The following GRM8 variants were observed in gnomAD, a reference collection of about 807,000 sequenced individuals.
The protein encoded by GRM8 is metabotropic glutamate receptor 8.
A neutral mutation model predicts 87.2 loss-of-function variants in GRM8; 47 were observed. That is an observed-to-expected ratio of 0.54 (90% CI 0.43 to 0.69). The LOEUF (loss-of-function observed/expected upper bound fraction) is 0.69. Ranked by LOEUF, GRM8 falls within the 30% of genes least tolerant of loss-of-function variation. The pLI is 0.00. For missense variants in GRM8, 1,019 were observed against 1,139.2 expected (o/e 0.89, Z 1.52); for synonymous variants, 396 against 404.5 (o/e 0.98, Z 0.25).
At chr7:126,488,884 G>A (rs1384603452) in intron 9 of GRM8, among the ~76,000 whole-genome samples, 2 of 151,808 alleles carry the variant, frequency 1.3e-5, no homozygotes, top group African/African-American at 4.8e-5. Context: ...AAATACACAT[G>A]TGCCCCTATT....
chr7:126,503,736 T>C (rs1809993632), intron 9 of GRM8, among the ~76,000 whole-genome samples: 1 of 152,026 alleles, frequency 6.6e-6, no homozygotes, highest in South Asian at 2.1e-4. Flanking sequence ...TAGCAGTGTG[T>C]ATTAGGCCCT....
intron 8 of GRM8, among the ~76,000 whole-genome samples, chr7:126,593,148 T>C (rs1796849825): frequency 1.3e-5 from 2 of 151,944 alleles, no homozygotes; most frequent in African/African-American, 4.8e-5. Context: ...TGTTCACAGA[T>C]TGAAAAAGTT....
intron 6 of GRM8, among the ~76,000 whole-genome samples, chr7:126,845,187 T>C (rs1418770944): frequency 2.0e-5 from 3 of 152,256 alleles, no homozygotes; most frequent in African/African-American, 7.2e-5. Flanking sequence ...ATCACTTCAT[T>C]AAACTTTAAG....
intron 1 of GRM8, among the ~76,000 whole-genome samples, chr7:127,244,745 T>C (rs1010168523): frequency 1.3e-5 from 2 of 152,328 alleles, no homozygotes; most frequent in South Asian, 2.1e-4. Context: ...AAAGGAAAGA[T>C]GGTGCTTCCC....
intron 3 of GRM8, among the ~76,000 whole-genome samples, chr7:126,943,129 G>T (rs1484872626): frequency 6.6e-6 from 1 of 152,188 alleles, no homozygotes; most frequent in African/African-American, 2.4e-5. Flanking sequence ...AGATCGGCAG[G>T]TGTAAGGGAA....
At chr7:126,884,178 A>C (rs1800273764) in intron 6 of GRM8, among the ~76,000 whole-genome samples, 1 of 152,070 alleles carries the variant, frequency 6.6e-6, no homozygotes, top group East Asian at 1.9e-4. Context: ...AAAACAAAAC[A>C]AAAAACTATA....
intron 7 of GRM8, among the ~76,000 whole-genome samples, chr7:126,660,334 A>C (rs1200230203): frequency 6.6e-6 from 1 of 152,180 alleles, no homozygotes; most frequent in Non-Finnish European, 1.5e-5. Flanking sequence ...AAAGTAGTAA[A>C]CTGGATAATC....
intron 7 of GRM8, among the ~76,000 whole-genome samples, chr7:126,719,456 G>C (rs1039209108): frequency 6.6e-6 from 1 of 152,140 alleles, no homozygotes; most frequent in South Asian, 2.1e-4. Flanking sequence ...AACTGGGTAG[G>C]TCTGGTTCAG....
intron 3 of GRM8, among the ~76,000 whole-genome samples, chr7:127,071,768 TTGA>T (rs1026632015): frequency 1.3e-5 from 2 of 152,200 alleles, no homozygotes; most frequent in Non-Finnish European, 2.9e-5. Flanking sequence ...AGGTTCATAG[TTGA>T]TCTTTTCTAT....
At chr7:127,134,941 A>T (rs1000908431) in intron 2 of GRM8, among the ~76,000 whole-genome samples, 1 of 152,192 alleles carries the variant, frequency 6.6e-6, no homozygotes, top group Non-Finnish European at 1.5e-5. Flanking sequence ...AAATGTATTA[A>T]ACACATGAAT....
Position 126,591,710 on chromosome 7 carries a change from C to A in GRM8, c.1494+17652G>T, listed in dbSNP as rs182091917. ...CTAAGGTAAACAACCTAACTTTGTACCTTAAGGAACTAGAAAAATAAGAAC... is the reference window on the plus strand; with the variant it reads ...CTAAGGTAAACAACCTAACTTTGTAACTTAAGGAACTAGAAAAATAAGAAC... On this transcript the variant is annotated intron_variant, in intron 8 of 10. Transcript: ENST00000339582. Among the ~76,000 whole-genome samples the A allele has an allele frequency of 1.2e-3, 185 of 150,876 alleles. 1 individual carries two copies. The highest frequency in any genetic ancestry group is 4.3e-3 in the African/African-American group (177 of 41,172).
At chr7:126,750,341 C>A (rs936672955) in intron 7 of GRM8, among the ~76,000 whole-genome samples, 4 of 152,056 alleles carry the variant, frequency 2.6e-5, no homozygotes, top group Non-Finnish European at 4.4e-5. Flanking sequence ...TGCAGAGAGA[C>A]AGGAGAGAAC....
At chr7:126,672,946 G>T (rs1480071065) in intron 7 of GRM8, among the ~76,000 whole-genome samples, 1 of 152,158 alleles carries the variant, frequency 6.6e-6, no homozygotes, top group African/African-American at 2.4e-5. Flanking sequence ...AAGCAGTTAA[G>T]ATAGTTCTTT....
At chr7:127,217,052 C>A (rs142827180) in intron 2 of GRM8, among the ~76,000 whole-genome samples, 1 of 152,226 alleles carries the variant, frequency 6.6e-6, no homozygotes, top group Non-Finnish European at 1.5e-5. Flanking sequence ...CTTTACTTTT[C>A]TCTATATTCT....
At chr7:127,041,549 T>A (rs981921456) in intron 3 of GRM8, among the ~76,000 whole-genome samples, 1 of 152,220 alleles carries the variant, frequency 6.6e-6, no homozygotes, top group African/African-American at 2.4e-5. Context: ...GGAAGACAAA[T>A]GTACCAACAG....
intron 7 of GRM8, among the ~76,000 whole-genome samples, chr7:126,740,099 G>T (rs13222700): frequency 0.39 from 59,304 of 151,860 alleles, 12,793 homozygotes; most frequent in Non-Finnish European, 0.48. Context: ...TATAGTATTG[G>T]TCTGAGAGAT....
chr7:127,162,657 C>T (rs565152540), intron 2 of GRM8, among the ~76,000 whole-genome samples: 44 of 152,306 alleles, frequency 2.9e-4, no homozygotes, highest in Middle Eastern at 3.4e-3. Flanking sequence ...CCCTTGCTGG[C>T]TTCCAACAGC....
intron 9 of GRM8, among the ~76,000 whole-genome samples, chr7:126,459,074 A>C (rs1036312803): frequency 2.6e-5 from 4 of 151,338 alleles, no homozygotes; most frequent in African/African-American, 4.8e-5. Flanking sequence ...GAAAGCGATA[A>C]GACAGAAAAC....
intron 3 of GRM8, among the ~76,000 whole-genome samples, chr7:127,059,331 C>CTTT (rs10618329): frequency 1.1e-4 from 14 of 130,584 alleles, no homozygotes; most frequent in African/African-American, 1.7e-4. Flanking sequence ...TTTTTTTTTG[C>CTTT]TTTTTTTTTT....
Sources: allele counts gnomAD v4.1 joint callset (sites outside exome capture counted in the v4.1 genomes callset), GRCh38; gene constraint gnomAD v4.1.1; transcripts MANE v1.5; gene names NCBI Gene and HGNC (gene_info 2026-07-23, HGNC 2026-07-21).